The following TSTD2 variants were observed in gnomAD, a reference collection of about 807,000 sequenced individuals.
TSTD2 encodes thiosulfate sulfurtransferase/rhodanese-like domain-containing protein 2.
A neutral mutation model predicts 47.9 loss-of-function variants in TSTD2; 37 were observed. That is an observed-to-expected ratio of 0.77 (90% confidence interval 0.59 to 1.02). The LOEUF is 1.02. Ranked by LOEUF, TSTD2 falls within the 50% of genes least tolerant of loss-of-function variation. The pLI is 0.00. For missense variants in TSTD2, 586 were observed against 616.0 expected, an observed-to-expected ratio of 0.95 and a Z score of 0.52; for synonymous variants, 201 against 215.9, an observed-to-expected ratio of 0.93 and a Z score of 0.61.
chr9:97,604,596 G>A, intron 9 of TSTD2, 131 bp downstream of exon 9: 2 of 1,342,936 alleles, frequency 1.5e-6, no homozygotes, highest in Non-Finnish European at 2.0e-6. Flanking sequence ...GTGGCACAAT[G>A]TACTTATTTT....
chr9:97,627,823 G>A (rs549418770), intron 1 of TSTD2, among the ~76,000 whole-genome samples: 1 of 152,338 alleles, frequency 6.6e-6, no homozygotes, highest in South Asian at 2.1e-4. Flanking sequence ...AAGTGAAAAA[G>A]TTTCTGCCTG....
chr9:97,609,085 T>C (rs985431974), intron 6 of TSTD2, among the ~76,000 whole-genome samples: 2 of 152,146 alleles, frequency 1.3e-5, no homozygotes, highest in African/African-American at 4.8e-5. Flanking sequence ...ACTTGTGCTA[T>C]AATAGGGGTG....
chr9:97,617,666 A>T (rs1826568616), intron 4 of TSTD2, 91 bp downstream of exon 4: 1 of 1,450,132 alleles, frequency 6.9e-7, no homozygotes, highest in Non-Finnish European at 9.2e-7. Flanking sequence ...CTCAACAGTG[A>T]ATCTTTTTTA....
At chr9:97,624,717 T>G (rs1327063980) in intron 3 of TSTD2, among the ~76,000 whole-genome samples, 2 of 151,310 alleles carry the variant, frequency 1.3e-5, no homozygotes, top group Non-Finnish European at 1.5e-5. Context: ...TAAAGAAGAG[T>G]CTAATGCAGT....
chr9:97,618,666 C>CT (rs927032170), intron 3 of TSTD2, among the ~76,000 whole-genome samples: 21 of 152,186 alleles, frequency 1.4e-4, no homozygotes, highest in African/African-American at 4.6e-4. Flanking sequence ...CCAAATTTGT[C>CT]TTTAATACCC....
rs1466615514 is a variant in TSTD2, at chr9:97,605,574, T to C, written c.1022A>G (p.Lys341Arg). The C allele has an allele frequency of 5.6e-6, 9 of 1,614,122 alleles. No individual in the cohort carries two copies. The highest frequency in any genetic ancestry group is 4.2e-6 in the Non-Finnish European group (5 of 1,180,056). Residue 341 changes from lysine (K) to arginine (R), a missense_variant, in exon 8 of 10, where the codon AAA (lysine) becomes AGA (arginine). Transcript: ENST00000341170. ...CTTCTCTCTGAAAAGTTCTAGATTT[T>C]TGTCAACGTAGCTAGGGAAGTAACT... ...KFSYFPSYVD[K>R]NLELFREKRV...
intron 3 of TSTD2, among the ~76,000 whole-genome samples, chr9:97,620,241 C>G (rs1826610837): frequency 6.6e-6 from 1 of 152,108 alleles, no homozygotes; most frequent in African/African-American, 2.4e-5. Context: ...TGGGAGTTTT[C>G]CTGTACAAGC....
chr9:97,610,018 G>A (rs1826430691), intron 6 of TSTD2, among the ~76,000 whole-genome samples: 1 of 152,118 alleles, frequency 6.6e-6, no homozygotes, highest in African/African-American at 2.4e-5. Flanking sequence ...TGTAGCAAAA[G>A]GCCTATTTGC....
intron 8 of TSTD2, 116 bp from the exon 9 acceptor site, chr9:97,604,981 ATCAG>A: frequency 6.8e-7 from 1 of 1,479,624 alleles, no homozygotes; most frequent in Non-Finnish European, 8.9e-7. Flanking sequence ...GGCCGCTGCT[ATCAG>A]TCAGGGGCTC....
At position 97,604,676 on chromosome 9, in the gene TSTD2, A is replaced by T. The variant is rs769238594; in HGVS notation, c.1252+51T>A. 33 of 1,610,026 alleles carry T rather than the reference A, an allele frequency of 2.0e-5. No homozygotes were observed. In the East Asian group the frequency reaches 7.4e-4, roughly 36 times the overall value. On this transcript the variant is annotated intron_variant, in intron 9 of 9. Transcript: ENST00000341170. The stretch of plus-strand genomic sequence containing the variant: ...CTGTGTCATTTTTCTAGAATAGTGA[A>T]CTGACAATGTGCTTCATTTCAGTTT...
At position 97,632,549 on chromosome 9, in the gene TSTD2, A is replaced by ATTTT. The variant is rs36004486; in HGVS notation, c.-51+690_-51+693dup. 2.3e-3 allele frequency among the ~76,000 whole-genome samples: 340 copies of ATTTT among 147,274 alleles called. 2 individuals carry two copies. Among genetic ancestry groups the ATTTT allele is most frequent in the Admixed American group, 3.8e-3 (56 of 14,856 alleles). ...AGGCGCCAAACACTAGGCTCAGCTA[A>ATTTT]TTTTTTTTTTTTTCCTGTAAAGACG... On this transcript the variant is annotated intron_variant, in intron 1 of 9. Transcript: ENST00000341170.
chr9:97,606,800 T>G (rs1372623070), intron 6 of TSTD2, among the ~76,000 whole-genome samples: 1 of 152,166 alleles, frequency 6.6e-6, no homozygotes, highest in African/African-American at 2.4e-5. Context: ...TTGGAATAGA[T>G]ACATTTTTAA....
chr9:97,626,734 T>C (rs1826727969), intron 2 of TSTD2, among the ~76,000 whole-genome samples: 1 of 152,108 alleles, frequency 6.6e-6, no homozygotes, highest in Non-Finnish European at 1.5e-5. Context: ...AAAATAAAAA[T>C]TGAGGGGTCA....
At chr9:97,621,064 G>A (rs1436163409) in intron 3 of TSTD2, among the ~76,000 whole-genome samples, 1 of 152,148 alleles carries the variant, frequency 6.6e-6, no homozygotes, top group African/African-American at 2.4e-5. Flanking sequence ...GGGAAGTCAG[G>A]GACCCTGAAC....
At chr9:97,632,053 A>C (rs1014627497) in intron 1 of TSTD2, among the ~76,000 whole-genome samples, 1 of 148,214 alleles carries the variant, frequency 6.7e-6, no homozygotes, top group African/African-American at 2.7e-5. Context: ...GTTCACCTCT[A>C]CATCCTCAGC....
Position 97,632,711 on chromosome 9 carries a change from A to G in TSTD2, c.-51+532T>C, listed in dbSNP as rs1826851679. 2.6e-5 allele frequency among the ~76,000 whole-genome samples: 4 copies of G among 152,200 alleles called. No homozygotes were observed. In the South Asian group the frequency reaches 8.3e-4, roughly 31 times the overall value. ...GTCATAGGAGACTTTTAAACAAAGC[A>G]GTAACACGATCTGATTCTGGATTTG... On this transcript the variant is annotated intron_variant, in intron 1 of 9. Transcript: ENST00000341170.
Position 97,600,931 on chromosome 9 carries a change from G to GAGTT in TSTD2, c.*1534_*1537dup, listed in dbSNP as rs1054790655. Reference sequence around the variant, plus strand: ...TAATATTTTTGTTTGTTGCTTTTGGGAGTTATTTTCATTAGTGATTTCAGC... The same window carrying GAGTT: ...TAATATTTTTGTTTGTTGCTTTTGGGAGTTAGTTATTTTCATTAGTGATTTCAGC... On this transcript the variant is annotated 3_prime_UTR_variant, in exon 10 of 10. Transcript: ENST00000341170. The GAGTT allele has an allele frequency of 7.9e-6, 9 of 1,140,126 alleles. No individual in the cohort carries two copies. In the African/African-American group the frequency reaches 1.5e-4, roughly 19 times the overall value. 70.6% of individuals were successfully genotyped at this position (1,140,126 alleles called of 1,614,324 possible).
At chr9:97,613,205 A>G (rs186036106) in intron 4 of TSTD2, among the ~76,000 whole-genome samples, 76 of 152,344 alleles carry the variant, frequency 5.0e-4, no homozygotes, top group Admixed American at 4.9e-3. Context: ...AGGAGATACT[A>G]CCAAAATCCT....
chr9:97,614,021 G>T (rs1826502026), intron 4 of TSTD2, among the ~76,000 whole-genome samples: 1 of 151,868 alleles, frequency 6.6e-6, no homozygotes, highest in Non-Finnish European at 1.5e-5. Flanking sequence ...GTAGAGACGG[G>T]GTTTCACCGT....
Sources: allele counts gnomAD v4.1 joint callset (sites outside exome capture counted in the v4.1 genomes callset), GRCh38; gene constraint gnomAD v4.1.1; transcripts MANE v1.5; gene names NCBI Gene and HGNC (gene_info 2026-07-23, HGNC 2026-07-21).